POLR2B: variants seen among roughly 807,000 people sequenced by gnomAD.
POLR2B encodes the protein DNA-directed RNA polymerase II subunit RPB2.
POLR2B carries 57 observed loss-of-function variants against 144.6 expected under a neutral mutation model. The observed-to-expected ratio is 0.39, with a 90% confidence interval of 0.32 to 0.49. The LOEUF (loss-of-function observed/expected upper bound fraction) is 0.49. POLR2B is among the 20% of genes least tolerant of loss of function. POLR2B has a pLI of 0.83. For synonymous variants in POLR2B, 442 were observed against 469.8 expected (o/e 0.94, Z 0.77); for missense variants, 595 against 1,467.4 (o/e 0.41, Z 9.71).
At chr4:57,025,993 T>C (rs1723705836) in intron 23 of POLR2B, among the ~76,000 whole-genome samples, 1 of 152,064 alleles carries the variant, frequency 6.6e-6, no homozygotes, top group African/African-American at 2.4e-5. Context: ...TCCCAGCACT[T>C]TGGGAGGCCA....
At chr4:57,004,176 G>T (rs553945471) in intron 7 of POLR2B, among the ~76,000 whole-genome samples, 1 of 151,666 alleles carries the variant, frequency 6.6e-6, no homozygotes, top group Admixed American at 6.6e-5. Flanking sequence ...GCAGGCACAC[G>T]CAACCATGCC....
chr4:57,007,824 T>A (rs1259369339), intron 10 of POLR2B, among the ~76,000 whole-genome samples: 2 of 152,242 alleles, frequency 1.3e-5, no homozygotes, highest in Non-Finnish European at 2.9e-5. Flanking sequence ...TGAAAACCTG[T>A]AATGTACTTT....
intron 10 of POLR2B, among the ~76,000 whole-genome samples, chr4:57,008,103 C>T (rs972105851): frequency 2.0e-5 from 3 of 152,074 alleles, no homozygotes; most frequent in Non-Finnish European, 2.9e-5. Context: ...TCAGGGAGCT[C>T]ATCAGCATCT....
At chr4:56,991,632 T>C (rs1293168310) in intron 3 of POLR2B, among the ~76,000 whole-genome samples, 1 of 152,228 alleles carries the variant, frequency 6.6e-6, no homozygotes, top group East Asian at 1.9e-4. Context: ...CTGTGTAGCT[T>C]ATCTCCTAAG....
In POLR2B at chr4:56,979,035, C is replaced by T. The variant is rs756281222; in HGVS notation, c.19+31C>T. 38 of 1,609,654 alleles carry T rather than the reference C, an allele frequency of 2.4e-5. No individual in the cohort carries two copies. In the South Asian group the frequency reaches 3.7e-4, roughly 16 times the overall value. On this transcript the variant is annotated intron_variant, in intron 1 of 24. Transcript: ENST00000314595. Reference sequence around the variant, plus strand: ...TGAACGCTCAAAACACACGCCGTGGCGGTCCATTTAAGCAGGAAAGCGTTG... The same window carrying T: ...TGAACGCTCAAAACACACGCCGTGGTGGTCCATTTAAGCAGGAAAGCGTTG...
At chr4:57,005,532 A>G (rs1364919896) in intron 8 of POLR2B, 68 bp from the exon 9 acceptor site, 4 of 1,527,578 alleles carry the variant, frequency 2.6e-6, no homozygotes, top group Admixed American at 2.2e-5. Flanking sequence ...TTTTTAACAT[A>G]TAAATCAAAA....
rs367725138 is a variant in POLR2B, at chr4:57,022,146, T to G, written c.2421-6T>G. 177 of 1,572,660 alleles carry G rather than the reference T, an allele frequency of 1.1e-4. No individual in the cohort carries two copies. Among genetic ancestry groups the G allele is most frequent in the Middle Eastern group, 1.0e-3 (6 of 5,986 alleles). On this transcript the variant is annotated splice_polypyrimidine_tract_variant and splice_region_variant and intron_variant, in intron 17 of 24. Transcript: ENST00000314595. Reference sequence around the variant, plus strand: ...AGACTTTACCTTTAGAACCATGTGTTTTTAGGTCTGTTTTCTATCGCTCAT... The same window carrying G: ...AGACTTTACCTTTAGAACCATGTGTGTTTAGGTCTGTTTTCTATCGCTCAT...
chr4:57,011,740 T>C (rs1236528726), intron 13 of POLR2B, among the ~76,000 whole-genome samples: 2 of 152,096 alleles, frequency 1.3e-5, no homozygotes, highest in Non-Finnish European at 2.9e-5. Context: ...GGAGAATTGC[T>C]TGAACCCAGG....
intron 24 of POLR2B, 87 bp downstream of exon 24, chr4:57,030,486 C>G: frequency 2.2e-6 from 2 of 914,808 alleles, no homozygotes; most frequent in Non-Finnish European, 3.3e-6. Context: ...TGTGGCAGAA[C>G]AGATTGGCAT....
chr4:57,005,578 C>CTT (rs1722991734), intron 8 of POLR2B, 22 bp from the exon 9 acceptor site: 2 of 1,478,052 alleles, frequency 1.4e-6, no homozygotes, highest in Non-Finnish European at 8.9e-7. Context: ...CTCTTTCTTT[C>CTT]TTTCTTTTTT....
Position 57,016,001 on chromosome 4 carries a change from C to T in POLR2B, c.1955+345C>T, listed in dbSNP as rs960343250. Among the ~76,000 whole-genome samples the T allele has an allele frequency of 6.6e-5, 10 of 152,238 alleles. 1 individual carries two copies. Among genetic ancestry groups the T allele is most frequent in the East Asian group, 1.9e-4 (1 of 5,170 alleles). ...CTTGAACTCCTGGTCTCAGGTGATC[C>T]GCCTGCTTCAGCCTCCCAGAGTGCT... On this transcript the variant is annotated intron_variant, in intron 14 of 24. Transcript: ENST00000314595.
chr4:56,999,356 A>G (rs1722787112), intron 6 of POLR2B, among the ~76,000 whole-genome samples: 1 of 151,768 alleles, frequency 6.6e-6, no homozygotes, highest in South Asian at 2.1e-4. Context: ...GTATTGGGTA[A>G]TTCTGAGAGA....
chr4:57,026,840 T>G (rs1039337230), intron 23 of POLR2B, among the ~76,000 whole-genome samples: 1 of 152,234 alleles, frequency 6.6e-6, no homozygotes, highest in Non-Finnish European at 1.5e-5. Context: ...GTGACAAGAA[T>G]AACATTGGTT....
intron 10 of POLR2B, among the ~76,000 whole-genome samples, chr4:57,007,373 C>G (rs6843415): frequency 0.075 from 11,390 of 152,124 alleles, 489 homozygotes; most frequent in African/African-American, 0.088. Context: ...TGAGATCATG[C>G]CACTGCACTC....
chr4:56,979,200 C>T (rs1722074744), intron 1 of POLR2B, among the ~76,000 whole-genome samples, 196 bp downstream of exon 1: 1 of 152,120 alleles, frequency 6.6e-6, no homozygotes. Context: ...TGTTAATGTT[C>T]CAGGTTACGT....
intron 1 of POLR2B, chr4:56,985,395 T>C (rs1722289404): frequency 1.0e-6 from 1 of 985,232 alleles, no homozygotes; most frequent in Non-Finnish European, 1.2e-6. Flanking sequence ...GGCTCGGTGC[T>C]GTGGCGAGGC....
chr4:56,996,263 T>TGTATAC lies in POLR2B; in HGVS notation c.735+854_735+855insGTATAC, dbSNP rs1553910011. Among the ~76,000 whole-genome samples, 447 of 86,474 alleles carry TGTATAC rather than the reference T, an allele frequency of 5.2e-3. 8 individuals are homozygous for TGTATAC. The highest frequency in any genetic ancestry group is 0.023 in the African/African-American group (423 of 18,284). 56.7% of individuals were successfully genotyped at this position (86,474 alleles called of 152,430 possible). A position where few individuals can be genotyped will look rare whatever the true frequency, so the allele number is the denominator to read the frequency against. Reference sequence around the variant, plus strand: ...GTATGTATATGTGTGTGTGTGTGTGTATATATATATATATATTTTTTTTTT... The same window carrying TGTATAC: ...GTATGTATATGTGTGTGTGTGTGTGTGTATACATATATATATATATATTTTTTTTTT... On this transcript the variant is annotated intron_variant, in intron 6 of 24. Transcript: ENST00000314595.
At chr4:57,026,177 G>A (rs2109722125) in intron 23 of POLR2B, among the ~76,000 whole-genome samples, 1 of 152,130 alleles carries the variant, frequency 6.6e-6, no homozygotes, top group Admixed American at 6.5e-5. Context: ...GGCGGAGGTT[G>A]CAGTGAGCCG....
chr4:57,022,760 G>A (rs904805192), intron 18 of POLR2B, among the ~76,000 whole-genome samples: 4 of 152,188 alleles, frequency 2.6e-5, no homozygotes, highest in Non-Finnish European at 5.9e-5. Context: ...CCAGGGAAAT[G>A]CAATATCTCT....
Sources: allele counts gnomAD v4.1 joint callset (sites outside exome capture counted in the v4.1 genomes callset), GRCh38; gene constraint gnomAD v4.1.1; transcripts MANE v1.5; gene names NCBI Gene and HGNC (gene_info 2026-07-23, HGNC 2026-07-21).